The following ZC3H3 variants were observed in gnomAD, a reference collection of about 807,000 sequenced individuals.
The protein encoded by ZC3H3 is zinc finger CCCH-type containing 3, also known as zinc finger CCCH domain-containing protein 3.
In ZC3H3, 36 loss-of-function variants were observed where a neutral mutation model predicts 77.3. That is an observed-to-expected ratio of 0.47 (90% CI 0.36 to 0.61). ZC3H3 has a LOEUF of 0.61. Ranked by LOEUF, ZC3H3 falls within the 20% of genes least tolerant of loss-of-function variation. ZC3H3 has a pLI of 0.00. For missense variants in ZC3H3, 1,331 were observed against 1,312.2 expected, an observed-to-expected ratio of 1.01 and a Z score of -0.22; for synonymous variants, 626 against 555.2, an observed-to-expected ratio of 1.13 and a Z score of -1.79.
At chr8:143,521,328 G>A (rs924764875) in intron 3 of ZC3H3, among the ~76,000 whole-genome samples, 2 of 152,086 alleles carry the variant, frequency 1.3e-5, no homozygotes, top group African/African-American at 2.4e-5. Context: ...AAGTCTGAAG[G>A]GACTGACCCC....
chr8:143,439,828 C>T (rs146662535), intron 11 of ZC3H3, among the ~76,000 whole-genome samples: 15 of 146,902 alleles, frequency 1.0e-4, no homozygotes, highest in African/African-American at 3.5e-4. Flanking sequence ...CCTACCTGAG[C>T]CCTTGGTGAG....
intron 3 of ZC3H3, among the ~76,000 whole-genome samples, chr8:143,532,758 G>T (rs1287130638): frequency 6.6e-6 from 1 of 152,224 alleles, no homozygotes; most frequent in African/African-American, 2.4e-5. Flanking sequence ...CATGGAGACG[G>T]TGGGCCTTGC....
intron 9 of ZC3H3, among the ~76,000 whole-genome samples, chr8:143,463,393 T>C (rs931408690): frequency 7.2e-5 from 11 of 152,066 alleles, no homozygotes; most frequent in East Asian, 1.9e-4. Flanking sequence ...GTGCAGAAAC[T>C]GTCAGGCACA....
intron 9 of ZC3H3, among the ~76,000 whole-genome samples, chr8:143,457,373 T>A (rs1188330381): frequency 6.6e-6 from 1 of 150,842 alleles, no homozygotes; most frequent in Non-Finnish European, 1.5e-5. Context: ...ATATGACTCT[T>A]ATGCCTTTTA....
chr8:143,461,750 G>A (rs1037811825), intron 9 of ZC3H3, among the ~76,000 whole-genome samples: 1 of 152,092 alleles, frequency 6.6e-6, no homozygotes, highest in African/African-American at 2.4e-5. Context: ...TATGATTCCA[G>A]CAACACGAAA....
intron 4 of ZC3H3, among the ~76,000 whole-genome samples, chr8:143,498,733 ACAGGGCGGGGCG>A: frequency 7.4e-6 from 1 of 134,678 alleles, no homozygotes; most frequent in African/African-American, 2.8e-5. Context: ...GCGGAGGGGC[ACAGGGCGGGGCG>A]GAGGGGTACA....
chr8:143,451,186 A>T (rs1217776406), intron 9 of ZC3H3, among the ~76,000 whole-genome samples: 4 of 152,160 alleles, frequency 2.6e-5, no homozygotes, highest in Admixed American at 1.3e-4. Context: ...CCAGAGCAGA[A>T]GGCAGGAAGC....
chr8:143,503,295 C>T (rs966532482), intron 4 of ZC3H3, among the ~76,000 whole-genome samples: 3 of 152,198 alleles, frequency 2.0e-5, no homozygotes, highest in African/African-American at 7.2e-5. Context: ...TCCTTTTCTC[C>T]TCCCACCCTC....
intron 3 of ZC3H3, among the ~76,000 whole-genome samples, chr8:143,528,091 A>G (rs879667755): frequency 1.3e-5 from 2 of 152,108 alleles, no homozygotes; most frequent in Non-Finnish European, 2.9e-5. Flanking sequence ...GCCAGGGGAG[A>G]GTCTCCGGCC....
Position 143,538,126 on chromosome 8 carries a change from G to A in ZC3H3, c.1241C>T (p.Ser414Phe). The change falls in exon 2 of 12, where the codon TCC (serine) becomes TTC (phenylalanine). Residue 414 changes from serine to phenylalanine, a missense_variant. Ser to Phe is a radical substitution (Grantham distance 155). Transcript: ENST00000262577. ...ASQLSPVLSR[S>F]PSGDRPAVGH... ...TACTGCTGGTCTGTCCCCCGACGGG[G>A]ACCTAGACAGGACTGGGGAGAGCTG... is the stretch of plus-strand genomic sequence containing the variant. 6.2e-7 allele frequency: 1 copy of A among 1,613,178 alleles called. No homozygotes were observed. Among genetic ancestry groups the A allele is most frequent in the Middle Eastern group, 1.6e-4 (1 of 6,062 alleles).
At chr8:143,532,293 G>A (rs1437010072) in intron 3 of ZC3H3, among the ~76,000 whole-genome samples, 1 of 152,264 alleles carries the variant, frequency 6.6e-6, no homozygotes, top group Non-Finnish European at 1.5e-5. Flanking sequence ...TGGCCACTGG[G>A]CCGCACGGCA....
At chr8:143,495,757 T>C (rs1022342646) in intron 4 of ZC3H3, among the ~76,000 whole-genome samples, 1 of 125,412 alleles carries the variant, frequency 8.0e-6, no homozygotes, top group Non-Finnish European at 1.7e-5. Context: ...ATTTTTCTTT[T>C]CTTTCTTTTT....
At chr8:143,503,781 G>A (rs1032132520) in intron 4 of ZC3H3, among the ~76,000 whole-genome samples, 11 of 147,740 alleles carry the variant, frequency 7.4e-5, no homozygotes, top group Admixed American at 6.7e-4. Context: ...GCCATCTCCC[G>A]ACCACCTACC....
intron 8 of ZC3H3, 70 bp from the exon 9 acceptor site, chr8:143,465,918 A>T: frequency 6.5e-7 from 1 of 1,541,652 alleles, no homozygotes; most frequent in Non-Finnish European, 8.7e-7. Flanking sequence ...GTGGCTGGGG[A>T]CCCTCCTACG....
chr8:143,447,927 G>A (rs982340986), intron 9 of ZC3H3, among the ~76,000 whole-genome samples: 3 of 152,250 alleles, frequency 2.0e-5, no homozygotes, highest in East Asian at 1.9e-4. Flanking sequence ...TCAGGAGTTC[G>A]AGACCAGTCT....
intron 4 of ZC3H3, among the ~76,000 whole-genome samples, chr8:143,499,690 C>G (rs1046380796): frequency 3.1e-4 from 47 of 151,984 alleles, no homozygotes; most frequent in Non-Finnish European, 5.1e-4. Context: ...ACAGTAGAGC[C>G]AGCACCGGGC....
At chr8:143,532,317 G>A (rs1222621370) in intron 3 of ZC3H3, among the ~76,000 whole-genome samples, 1 of 152,282 alleles carries the variant, frequency 6.6e-6, no homozygotes, top group Non-Finnish European at 1.5e-5. Context: ...CTGAAGTGCG[G>A]CGGGGGAGGG....
chr8:143,538,635 G>T lies in ZC3H3; in HGVS notation c.732C>A (p.Gly244=). The change falls in exon 2 of 12, where the codon GGC becomes GGA. Residue 244 remains glycine, a synonymous_variant. Coordinates refer to ENST00000262577, the MANE Select transcript of ZC3H3 (RefSeq NM_015117.3). Reference sequence around the variant, plus strand: ...CCACGGAATGAGAACCCAGCTTCCGGCCCAGGGCCACGCCAGTGCGTGGGG... The same window carrying T: ...CCACGGAATGAGAACCCAGCTTCCGTCCCAGGGCCACGCCAGTGCGTGGGG... ...ALPPRTGVAL[G]RKLGSHSVAS... 1 of 1,608,968 alleles carries T rather than the reference G, an allele frequency of 6.2e-7. No individual in the cohort carries two copies.
intron 3 of ZC3H3, among the ~76,000 whole-genome samples, chr8:143,521,718 C>G (rs529776948): frequency 1.8e-4 from 27 of 152,348 alleles, no homozygotes; most frequent in Non-Finnish European, 2.5e-4. Context: ...GCCCCTCCCC[C>G]ACCAGTGCAC....
Sources: allele counts gnomAD v4.1 joint callset (sites outside exome capture counted in the v4.1 genomes callset), GRCh38; gene constraint gnomAD v4.1.1; transcripts MANE v1.5; gene names NCBI Gene and HGNC (gene_info 2026-07-23, HGNC 2026-07-21).